Variants in GPR158 observed in about 807,000 individuals in gnomAD.
GPR158 encodes the protein metabotropic glycine receptor.
Under a neutral mutation model 78.2 loss-of-function variants are expected in GPR158, and 30 were observed. That is an observed-to-expected ratio of 0.38 (90% CI 0.29 to 0.52). The LOEUF is 0.52. Among genes scored for constraint, GPR158 ranks in the 20% least tolerant of loss-of-function variants. GPR158 has a pLI of 0.83. For synonymous variants in GPR158, 581 were observed against 591.1 expected (o/e 0.98, Z 0.25); for missense variants, 1,463 against 1,523.5 (o/e 0.96, Z 0.66).
chr10:25,587,119 G>A (rs1050179314), intron 7 of GPR158, among the ~76,000 whole-genome samples: 5 of 152,232 alleles, frequency 3.3e-5, no homozygotes, highest in Non-Finnish European at 5.9e-5. Context: ...GAAGCAGGTG[G>A]TTGGTTAGGC....
chr10:25,536,311 G>A (rs1392683120), intron 5 of GPR158, among the ~76,000 whole-genome samples: 1 of 151,914 alleles, frequency 6.6e-6, no homozygotes, highest in Non-Finnish European at 1.5e-5. Context: ...TAAATCTCCA[G>A]CCTCCTTTAC....
At chr10:25,276,112 A>G (rs1854179663) in intron 2 of GPR158, among the ~76,000 whole-genome samples, 1 of 152,184 alleles carries the variant, frequency 6.6e-6, no homozygotes. Flanking sequence ...TAGCTTTCAG[A>G]GGAATTTGAT....
At chr10:25,241,301 T>C (rs575601512) in intron 2 of GPR158, among the ~76,000 whole-genome samples, 6 of 125,980 alleles carry the variant, frequency 4.8e-5, no homozygotes, top group African/African-American at 2.4e-4. Context: ...TTTCTTTTCT[T>C]TTCTTTTCTT....
chr10:25,532,148 C>T (rs1180632695), intron 5 of GPR158, among the ~76,000 whole-genome samples: 1 of 152,118 alleles, frequency 6.6e-6, no homozygotes, highest in African/African-American at 2.4e-5. Flanking sequence ...TGCACATTTT[C>T]TTTAACCAAG....
intron 9 of GPR158, 125 bp downstream of exon 9, chr10:25,594,522 T>TC (rs1246892100): frequency 1.0e-5 from 5 of 481,900 alleles, no homozygotes; most frequent in Non-Finnish European, 1.8e-5. Context: ...TAAAGCTCCC[T>TC]CCTCAGGAAA....
intron 2 of GPR158, among the ~76,000 whole-genome samples, chr10:25,275,191 T>G (rs757858645): frequency 2.0e-5 from 3 of 152,184 alleles, no homozygotes; most frequent in Non-Finnish European, 2.9e-5. Flanking sequence ...AATTTTATAA[T>G]TTGAACTCTG....
intron 2 of GPR158, among the ~76,000 whole-genome samples, chr10:25,342,173 TTCACTTTAATC>T (rs1855312432): frequency 6.6e-6 from 1 of 152,126 alleles, no homozygotes; most frequent in South Asian, 2.1e-4. Flanking sequence ...TTTCTTCCAC[TTCACTTTAATC>T]ATTAAGCCCT....
At chr10:25,417,367 G>A (rs1240026347) in intron 4 of GPR158, among the ~76,000 whole-genome samples, 1 of 152,144 alleles carries the variant, frequency 6.6e-6, no homozygotes, top group Non-Finnish European at 1.5e-5. Context: ...CTAGATCACG[G>A]TTGGCCAGTG....
intron 2 of GPR158, among the ~76,000 whole-genome samples, chr10:25,327,562 A>ACT (rs9299788): frequency 0.82 from 124,047 of 151,900 alleles, 51,682 homozygotes; most frequent in African/African-American, 0.91. Context: ...TGAGATAAAG[A>ACT]CTCTTCATCT....
intron 5 of GPR158, among the ~76,000 whole-genome samples, chr10:25,468,129 A>C (rs1835450508): frequency 6.6e-6 from 1 of 152,184 alleles, no homozygotes; most frequent in Admixed American, 6.5e-5. Flanking sequence ...AGCTAGCTAC[A>C]TTCTGACAGG....
Position 25,597,984 on chromosome 10 carries a change from C to A in GPR158, c.2358C>A (p.Ala786=), listed in dbSNP as rs750818249. 1 of 1,614,060 alleles carries A rather than the reference C, an allele frequency of 6.2e-7. No homozygotes were observed. Among genetic ancestry groups the A allele is most frequent in the Admixed American group, 1.7e-5 (1 of 60,012 alleles). ...GADHGTAKGT[A]LIRKNPPESS... ...ACCATGGCACAGCCAAAGGCACTGC[C>A]CTCATCAGGAAGAACCCCCCAGAGT... The change falls in exon 11 of 11, where the codon GCC becomes GCA. Residue 786 remains alanine (A), a synonymous_variant. Coordinates refer to ENST00000376351, the MANE Select transcript of GPR158 (RefSeq NM_020752.3).
At chr10:25,371,349 T>C (rs1047498809) in intron 2 of GPR158, among the ~76,000 whole-genome samples, 6 of 152,022 alleles carry the variant, frequency 3.9e-5, no homozygotes, top group Non-Finnish European at 5.9e-5. Flanking sequence ...CAGGAGGTCT[T>C]TTAGGGCAGG....
chr10:25,514,288 T>A (rs2130672855), intron 5 of GPR158, among the ~76,000 whole-genome samples: 1 of 152,312 alleles, frequency 6.6e-6, no homozygotes, highest in South Asian at 2.1e-4. Context: ...TGCTGTTGTT[T>A]TAAAGTTTGT....
chr10:25,457,815 A>G (rs926608409), intron 4 of GPR158, among the ~76,000 whole-genome samples: 2 of 152,254 alleles, frequency 1.3e-5, no homozygotes, highest in East Asian at 1.9e-4. Context: ...GCAGTGAGTC[A>G]GCAATTTTGT....
intron 2 of GPR158, among the ~76,000 whole-genome samples, chr10:25,268,207 G>A (rs1032003394): frequency 8.4e-4 from 128 of 152,152 alleles, no homozygotes; most frequent in African/African-American, 2.5e-3. Context: ...AAGAATACTC[G>A]TTATCCTATT....
At chr10:25,275,031 A>G (rs991132219) in intron 2 of GPR158, among the ~76,000 whole-genome samples, 1 of 152,192 alleles carries the variant, frequency 6.6e-6, no homozygotes, top group Non-Finnish European at 1.5e-5. Context: ...ATGTTAAATT[A>G]TGCTACTTTT....
intron 6 of GPR158, among the ~76,000 whole-genome samples, chr10:25,563,809 T>G (rs1055459246): frequency 1.4e-5 from 2 of 147,678 alleles, no homozygotes; most frequent in East Asian, 3.8e-4. Flanking sequence ...TTTATGCATC[T>G]GTATTTTATC....
At chr10:25,493,740 TTAAG>T (rs1423514108) in intron 5 of GPR158, among the ~76,000 whole-genome samples, 3 of 152,370 alleles carry the variant, frequency 2.0e-5, no homozygotes, top group East Asian at 1.9e-4. Flanking sequence ...GATTAGTAAA[TTAAG>T]TGTCTATAGT....
chr10:25,392,039 C>T (rs1482886148), intron 2 of GPR158, among the ~76,000 whole-genome samples: 1 of 152,064 alleles, frequency 6.6e-6, no homozygotes, highest in African/African-American at 2.4e-5. Context: ...GTGAGATGTG[C>T]CTTTGCTTCT....
Sources: allele counts gnomAD v4.1 joint callset (sites outside exome capture counted in the v4.1 genomes callset), GRCh38; gene constraint gnomAD v4.1.1; transcripts MANE v1.5; gene names NCBI Gene and HGNC (gene_info 2026-07-23, HGNC 2026-07-21).